Variants in FSTL4 observed in about 807,000 individuals in gnomAD.
The protein encoded by FSTL4 is follistatin-related protein 4.
In FSTL4, 28 loss-of-function variants were observed where a neutral mutation model predicts 78.2. That is an observed-to-expected ratio of 0.36 (90% CI 0.27 to 0.49). The LOEUF is 0.49. FSTL4 is among the 20% of genes least tolerant of loss of function. The probability of loss-of-function intolerance (pLI) is 0.98; values close to 1 mark genes in which losing one functional copy is unlikely to be tolerated. For missense variants in FSTL4, 922 were observed against 1,084.9 expected (o/e 0.85, Z 2.11); for synonymous variants, 422 against 440.5 (o/e 0.96, Z 0.53).
the FSTL4 span, among the ~76,000 whole-genome samples, chr5:133,722,409 T>A: frequency 6.6e-6 from 1 of 152,224 alleles, no homozygotes; most frequent in African/African-American, 2.4e-5. Context: ...TTTTATTTTA[T>A]CAATTGAATT....
intron 3 of FSTL4, among the ~76,000 whole-genome samples, chr5:133,429,106 C>T (rs918633188): frequency 5.9e-5 from 9 of 152,170 alleles, no homozygotes; most frequent in South Asian, 2.1e-4. Flanking sequence ...GCCTCTTCTC[C>T]GGAGGGCCCT....
At chr5:133,811,609 G>A in the FSTL4 span, among the ~76,000 whole-genome samples, 1 of 152,182 alleles carries the variant, frequency 6.6e-6, no homozygotes, top group Non-Finnish European at 1.5e-5. Flanking sequence ...ACCACACAGG[G>A]CTAAGGAGTT....
chr5:133,339,581 A>ACTCAACTAGCAT (rs1754540948), intron 4 of FSTL4, among the ~76,000 whole-genome samples: 1 of 152,114 alleles, frequency 6.6e-6, no homozygotes, highest in Non-Finnish European at 1.5e-5. Flanking sequence ...GCACTCAACA[A>ACTCAACTAGCAT]ACATGTGCCA....
chr5:133,200,852 G>T (rs1418540566), intron 15 of FSTL4, among the ~76,000 whole-genome samples: 3 of 152,310 alleles, frequency 2.0e-5, no homozygotes, highest in East Asian at 1.9e-4. Flanking sequence ...CATCCTTAAA[G>T]AACCAGAGCA....
At chr5:133,270,797 T>C (rs1752751222) in intron 6 of FSTL4, among the ~76,000 whole-genome samples, 1 of 152,168 alleles carries the variant, frequency 6.6e-6, no homozygotes, top group Non-Finnish European at 1.5e-5. Flanking sequence ...ATAGCTTGTA[T>C]GATAACCCCC....
At chr5:133,406,695 G>A (rs1394990326) in intron 3 of FSTL4, among the ~76,000 whole-genome samples, 3 of 152,258 alleles carry the variant, frequency 2.0e-5, no homozygotes, top group East Asian at 3.8e-4. Context: ...AAGGCCATGT[G>A]TAAAGTGACT....
At chr5:133,576,974 G>A (rs956267368) in intron 2 of FSTL4, among the ~76,000 whole-genome samples, 1 of 152,092 alleles carries the variant, frequency 6.6e-6, no homozygotes, top group African/African-American at 2.4e-5. Context: ...TCTTCACTTG[G>A]ACTGACAAAA....
At chr5:133,761,864 T>C in the FSTL4 span, among the ~76,000 whole-genome samples, 1 of 152,212 alleles carries the variant, frequency 6.6e-6, no homozygotes, top group Non-Finnish European at 1.5e-5. Flanking sequence ...AGACATTATG[T>C]TATCCTCCGA....
the FSTL4 span, among the ~76,000 whole-genome samples, chr5:133,653,106 A>T: frequency 6.6e-6 from 1 of 152,180 alleles, no homozygotes; most frequent in Non-Finnish European, 1.5e-5. Flanking sequence ...GCACATACAC[A>T]TTCACACCAC....
the FSTL4 span, among the ~76,000 whole-genome samples, chr5:133,700,565 T>C: frequency 1.3e-5 from 2 of 152,238 alleles, no homozygotes; most frequent in African/African-American, 2.4e-5. Flanking sequence ...GCTCTGCCTA[T>C]GCCAAGGGCA....
At chr5:133,756,037 T>A in the FSTL4 span, among the ~76,000 whole-genome samples, 2 of 152,190 alleles carry the variant, frequency 1.3e-5, no homozygotes, top group Admixed American at 1.3e-4. Context: ...AGAGCTTACA[T>A]TCTAGTGGAA....
At chr5:133,467,644 A>G (rs1469164201) in intron 3 of FSTL4, among the ~76,000 whole-genome samples, 1 of 152,106 alleles carries the variant, frequency 6.6e-6, no homozygotes, top group African/African-American at 2.4e-5. Context: ...AGAAGACAGA[A>G]TCCATAGGTC....
intron 4 of FSTL4, among the ~76,000 whole-genome samples, chr5:133,340,435 C>T (rs1754555319): frequency 6.6e-6 from 1 of 152,058 alleles, no homozygotes; most frequent in Admixed American, 6.5e-5. Flanking sequence ...CCCCTCCTGG[C>T]AGAACTGTGT....
chr5:133,272,155 A>G (rs1275941974), intron 6 of FSTL4, among the ~76,000 whole-genome samples: 1 of 152,250 alleles, frequency 6.6e-6, no homozygotes, highest in Non-Finnish European at 1.5e-5. Context: ...GTCAATTCCT[A>G]CAATCAGAAA....
At chr5:133,753,727 G>GTGTGTGTGTGTGTGTGTGTGTA in the FSTL4 span, among the ~76,000 whole-genome samples, 8 of 134,826 alleles carry the variant, frequency 5.9e-5, no homozygotes, top group Non-Finnish European at 1.1e-4. Flanking sequence ...GTGTGTGTGT[G>GTGTGTGTGTGTGTGTGTGTGTA]TAGTGGCAGG....
the FSTL4 span, among the ~76,000 whole-genome samples, chr5:133,795,077 C>T: frequency 2.6e-5 from 4 of 152,172 alleles, no homozygotes; most frequent in African/African-American, 9.7e-5. Context: ...CAGAACAGCC[C>T]GGGGCCTAAG....
At chr5:133,443,836 C>T (rs1757209708) in intron 3 of FSTL4, among the ~76,000 whole-genome samples, 2 of 152,214 alleles carry the variant, frequency 1.3e-5, no homozygotes. Context: ...CCATATGGGG[C>T]TCTGTCTGGC....
chr5:133,765,216 C>A, the FSTL4 span, among the ~76,000 whole-genome samples: 1 of 152,144 alleles, frequency 6.6e-6, no homozygotes, highest in African/African-American at 2.4e-5. Context: ...TGAATAATGC[C>A]AGTGGGGAGA....
At chr5:133,477,788 T>G (rs1348488112) in intron 3 of FSTL4, among the ~76,000 whole-genome samples, 2 of 133,490 alleles carry the variant, frequency 1.5e-5, no homozygotes, top group Admixed American at 6.9e-5. Flanking sequence ...GCAAAAAATG[T>G]TTTTTTTTCT....
Sources: allele counts gnomAD v4.1 joint callset (sites outside exome capture counted in the v4.1 genomes callset), GRCh38; gene constraint gnomAD v4.1.1; transcripts MANE v1.5; gene names NCBI Gene and HGNC (gene_info 2026-07-23, HGNC 2026-07-21).